PRDM11: variants seen among roughly 807,000 people sequenced by gnomAD.
PRDM11 encodes PR domain-containing protein 11.
PRDM11 carries 20 observed loss-of-function variants against 97.8 expected under a neutral mutation model. That is an observed-to-expected ratio of 0.20 (90% CI 0.14 to 0.30). PRDM11 has a LOEUF of 0.30. Ranked by LOEUF, PRDM11 falls within the 10% of genes least tolerant of loss-of-function variation. PRDM11 has a pLI of 1.00. For synonymous variants in PRDM11, 599 were observed against 637.7 expected (o/e 0.94, Z 0.91); for missense variants, 1,139 against 1,555.2 (o/e 0.73, Z 4.50).
In PRDM11 at chr11:45,123,556, T is replaced by G. The variant is rs955141624; in HGVS notation, c.96+27655T>G. Among the ~76,000 whole-genome samples, 51 of 152,302 alleles carry G rather than the reference T, an allele frequency of 3.3e-4. No individual in the cohort carries two copies. In the Middle Eastern group the frequency reaches 0.02, roughly 61 times the overall value. On this transcript the variant is annotated intron_variant, in intron 1 of 6. Transcript: ENST00000530656. ...AGAAAGGGATCCAGTTTCAGCTTTC[T>G]ACATATGGCTAGCCAGTTTTCCCAG...
At chr11:45,173,620 G>A (rs1852256451) in intron 1 of PRDM11, among the ~76,000 whole-genome samples, 1 of 138,072 alleles carries the variant, frequency 7.2e-6, no homozygotes, top group Non-Finnish European at 1.5e-5. Flanking sequence ...GAAACACCGC[G>A]TCAAAAAAAA....
intron 1 of PRDM11, among the ~76,000 whole-genome samples, chr11:45,165,057 A>G (rs1852026769): frequency 6.6e-6 from 1 of 152,154 alleles, no homozygotes; most frequent in African/African-American, 2.4e-5. Context: ...GGGCGGGGGT[A>G]ACGAAAGGCA....
intron 1 of PRDM11, among the ~76,000 whole-genome samples, chr11:45,137,860 C>T (rs1175516539): frequency 6.6e-6 from 1 of 152,188 alleles, no homozygotes; most frequent in African/African-American, 2.4e-5. Flanking sequence ...CCCAGCATTA[C>T]CTTGAAGTCA....
At chr11:45,209,159 TGGGGCCG>T (rs1453143037) in intron 5 of PRDM11, 2 of 454,404 alleles carry the variant, frequency 4.4e-6, no homozygotes, top group East Asian at 7.0e-5. Flanking sequence ...TGTCGGGCCC[TGGGGCCG>T]GGGGCCGGGC....
intron 4 of PRDM11, among the ~76,000 whole-genome samples, chr11:45,202,108 AATTTTT>A (rs1853350333): frequency 6.6e-6 from 1 of 152,090 alleles, no homozygotes; most frequent in Admixed American, 6.5e-5. Context: ...ACACTTAACC[AATTTTT>A]TTCTCTTTAA....
intron 1 of PRDM11, among the ~76,000 whole-genome samples, chr11:45,148,255 G>A (rs939297602): frequency 1.3e-5 from 2 of 152,166 alleles, no homozygotes; most frequent in African/African-American, 2.4e-5. Flanking sequence ...CCTCCTCATA[G>A]TCACTGTCTG....
rs1216041694 is a variant in PRDM11, at chr11:45,227,600, C to T, written c.2975C>T (p.Ala992Val). 6.5e-7 allele frequency: 1 copy of T among 1,533,808 alleles called. No homozygotes were observed. The highest frequency in any genetic ancestry group is 8.7e-7 in the Non-Finnish European group (1 of 1,146,746). ...AAGGCCTGCCAGGTGTTTGACCTGG[C>T]TGCCTGGCCCAGGAGCAGTGAGGAG... is the stretch of plus-strand genomic sequence containing the variant. ...FVKACQVFDL[A>V]AWPRSSEELM... is the part of the protein sequence containing the mutation. Residue 992 changes from alanine (A) to valine (V), a missense_variant, in exon 8 of 8, where the codon GCT becomes GTT. This residue lies in a region of PRDM11 where 710 missense variants were observed against 1,044.9 expected (regional missense o/e 0.68). Transcript: ENST00000683152. This position sits in a 1 kb window ranked among gnomAD's most constrained non-coding sequence, Gnocchi z 8.0.
Position 45,219,826 on chromosome 11 carries a change from T to C in PRDM11, c.742+69T>C. On this transcript the variant is annotated intron_variant, in intron 6 of 7. Coordinates refer to ENST00000683152, the MANE Select transcript of PRDM11 (RefSeq NM_001384648.1). This position sits in a 1 kb window ranked among gnomAD's most constrained non-coding sequence, Gnocchi z 4.2. Reference sequence around the variant, plus strand: ...CAGGGGAGGCCTGGATAGCTTGTTTTGGAGCTTCCTGAGAAATACGGTTCC... The same window carrying C: ...CAGGGGAGGCCTGGATAGCTTGTTTCGGAGCTTCCTGAGAAATACGGTTCC... 3 of 1,479,564 alleles carry C rather than the reference T, an allele frequency of 2.0e-6. No individual in the cohort carries two copies. The highest frequency in any genetic ancestry group is 2.7e-6 in the Non-Finnish European group (3 of 1,103,126). The allele number at this position is 1,479,564 out of a possible 1,614,324, so 91.7% of individuals were successfully genotyped here. A position where few individuals can be genotyped will look rare whatever the true frequency, so the allele number is the denominator to read the frequency against.
rs1462325996 is a variant in PRDM11 at position 45,226,215 on chromosome 11, C to T, written c.1590C>T (p.His530=). 1.9e-5 allele frequency: 29 copies of T among 1,533,872 alleles called. No individual in the cohort carries two copies. The Admixed American group carries it at 2.4e-4, about 12-fold the overall frequency. ...YSPTLNEMWC[H]VCRQYTVQSS... is the part of the protein sequence containing the mutation. ...CAACCCTCAATGAGATGTGGTGCCA[C>T]GTCTGCCGCCAGTACACGGTGCAGT... Residue 530 remains histidine (H), a synonymous_variant, in exon 8 of 8, where the codon CAC becomes CAT. Coordinates refer to ENST00000683152, the MANE Select transcript of PRDM11 (RefSeq NM_001384648.1).
chr11:45,151,702 A>G (rs907113579), intron 1 of PRDM11, among the ~76,000 whole-genome samples: 1 of 152,234 alleles, frequency 6.6e-6, no homozygotes, highest in Non-Finnish European at 1.5e-5. Flanking sequence ...ACTGACTATA[A>G]GTCAGGGAAA....
At chr11:45,107,137 T>C (rs1362080853) in intron 1 of PRDM11, among the ~76,000 whole-genome samples, 4 of 152,156 alleles carry the variant, frequency 2.6e-5, no homozygotes, top group Admixed American at 1.3e-4. Flanking sequence ...GGGGCCTCCA[T>C]AGAGCAAGAT....
chr11:45,224,583 G>A lies in PRDM11; in HGVS notation c.1109G>A (p.Gly370Glu). 3 of 1,614,032 alleles carry A rather than the reference G, an allele frequency of 1.9e-6. No homozygotes were observed. Among genetic ancestry groups the A allele is most frequent in the Non-Finnish European group, 8.5e-7 (1 of 1,179,998 alleles). ...GAGGGGGACTGGAAGGTCCCCCAGGGGGTCTCCAAGGAGCCAGGCCAATTG... is the reference window on the plus strand; with the variant it reads ...GAGGGGGACTGGAAGGTCCCCCAGGAGGTCTCCAAGGAGCCAGGCCAATTG... ...QGEGDWKVPQ[G>E]VSKEPGQLED... The change falls in exon 7 of 8, where the codon GGG becomes GAG. Residue 370 changes from glycine (G) to glutamate (E), a missense_variant. Physicochemically the swap from Gly to Glu is moderately conservative, Grantham distance 98. This residue lies in a region of PRDM11 where 429 missense variants were observed against 510.3 expected (regional missense o/e 0.84). Coordinates refer to ENST00000683152, the MANE Select transcript of PRDM11 (RefSeq NM_001384648.1).
At chr11:45,133,585 T>C (rs181701997) in intron 1 of PRDM11, among the ~76,000 whole-genome samples, 37 of 152,230 alleles carry the variant, frequency 2.4e-4, no homozygotes, top group African/African-American at 8.9e-4. Flanking sequence ...TTATTCTTTT[T>C]GCTCAAACCA....
At chr11:45,167,351 C>A (rs1008347728) in intron 1 of PRDM11, among the ~76,000 whole-genome samples, 65 of 152,098 alleles carry the variant, frequency 4.3e-4, no homozygotes, top group African/African-American at 1.5e-3. Context: ...AACCCTAGGT[C>A]ACATAGTGTA....
intron 1 of PRDM11, among the ~76,000 whole-genome samples, chr11:45,166,133 A>G (rs1285240099): frequency 1.3e-5 from 2 of 152,258 alleles, no homozygotes; most frequent in Non-Finnish European, 2.9e-5. Context: ...TTATGGGCTC[A>G]GCAGAAGCTC....
In PRDM11 at chr11:45,219,860, G is replaced by C; in HGVS notation, c.742+103G>C. ...CTGAGAAATACGGTTCCCAGCAATGGGAAGACCCAGAGTGATTCGGGGGAA... is the reference window on the plus strand; with the variant it reads ...CTGAGAAATACGGTTCCCAGCAATGCGAAGACCCAGAGTGATTCGGGGGAA... On this transcript the variant is annotated intron_variant, in intron 6 of 7. Coordinates refer to ENST00000683152, the MANE Select transcript of PRDM11 (RefSeq NM_001384648.1). The surrounding 1 kb of genome is among the most constrained non-coding windows in gnomAD (Gnocchi z 4.2). 3.7e-6 allele frequency: 5 copies of C among 1,344,788 alleles called. No homozygotes were observed. Among genetic ancestry groups the C allele is most frequent in the Non-Finnish European group, 5.0e-6 (5 of 1,001,180 alleles). The allele number at this position is 1,344,788 out of a possible 1,614,324, so 83.3% of individuals were successfully genotyped here.
chr11:45,184,021 A>G (rs1852613782), intron 4 of PRDM11, among the ~76,000 whole-genome samples: 1 of 152,246 alleles, frequency 6.6e-6, no homozygotes, highest in South Asian at 2.1e-4. Context: ...AGACTGGGAA[A>G]AAGTGAACAA....
At chr11:45,213,176 C>T (rs1399599509) in intron 5 of PRDM11, 1 of 456,702 alleles carries the variant, frequency 2.2e-6, no homozygotes, top group Non-Finnish European at 4.4e-6. Context: ...TACCTCCTCA[C>T]CGAGCGCAGG....
chr11:45,139,719 A>G (rs1852958072), intron 1 of PRDM11, among the ~76,000 whole-genome samples: 1 of 152,128 alleles, frequency 6.6e-6, no homozygotes. Context: ...TCGTATTTTT[A>G]TGATAAAAAA....
Sources: allele counts gnomAD v4.1 joint callset (sites outside exome capture counted in the v4.1 genomes callset), GRCh38; gene constraint gnomAD v4.1.1; regional missense constraint gnomAD v4.1.1; non-coding constraint Gnocchi (gnomAD v3.1); transcripts MANE v1.5; gene names NCBI Gene and HGNC (gene_info 2026-07-23, HGNC 2026-07-21).